Variants in UMAD1 observed in about 807,000 individuals in gnomAD.
UMAD1 encodes the protein UBAP1-MVB12-associated (UMA) domain containing 1, also known as UBAP1-MVB12-associated (UMA)-domain containing protein 1.
In UMAD1, 8 loss-of-function variants were observed where a neutral mutation model predicts 6.1. That is an observed-to-expected ratio of 1.30 (90% CI 0.76 to 2.35). The LOEUF is 2.35. Ranked by LOEUF, UMAD1 falls within the 30% of genes most tolerant of loss-of-function variation. UMAD1 has a pLI of 0.00. For missense variants in UMAD1, 130 were observed against 78.4 expected (o/e 1.66, Z -2.49); for synonymous variants, 56 against 31.4 (o/e 1.78, Z -2.61).
chr7:7,755,410 GGCAGATAGCT>G (rs1318452833), intron 2 of UMAD1, among the ~76,000 whole-genome samples: 1 of 152,162 alleles, frequency 6.6e-6, no homozygotes, highest in Non-Finnish European at 1.5e-5. Context: ...ATGGTGTTAT[GGCAGATAGCT>G]GAAGTATACT....
intron 2 of UMAD1, among the ~76,000 whole-genome samples, chr7:7,762,643 T>C (rs1448592300): frequency 1.3e-5 from 2 of 152,200 alleles, no homozygotes; most frequent in Non-Finnish European, 2.9e-5. Context: ...CATATGCAAC[T>C]GCTCCAGGGC....
chr7:7,737,831 C>G (rs1020197422), intron 2 of UMAD1, among the ~76,000 whole-genome samples: 1 of 152,102 alleles, frequency 6.6e-6, no homozygotes, highest in African/African-American at 2.4e-5. Flanking sequence ...ACAGCATAAT[C>G]TATGGTAGTT....
At chr7:7,729,657 T>C (rs1366670269) in intron 2 of UMAD1, among the ~76,000 whole-genome samples, 3 of 152,170 alleles carry the variant, frequency 2.0e-5, no homozygotes, top group Non-Finnish European at 4.4e-5. Context: ...CTAGATCCTA[T>C]AGTTAGCCTG....
At chr7:7,681,622 C>CATTA (rs1779914777) in intron 2 of UMAD1, among the ~76,000 whole-genome samples, 1 of 152,130 alleles carries the variant, frequency 6.6e-6, no homozygotes, top group South Asian at 2.1e-4. Flanking sequence ...TTGAAGTAAT[C>CATTA]CTCCAGGGTA....
At chr7:7,711,488 G>T (rs1240819733) in intron 2 of UMAD1, among the ~76,000 whole-genome samples, 1 of 152,006 alleles carries the variant, frequency 6.6e-6, no homozygotes, top group Non-Finnish European at 1.5e-5. Flanking sequence ...GTACTTCAAG[G>T]ATATTATACT....
intron 3 of UMAD1, among the ~76,000 whole-genome samples, chr7:7,847,526 T>C (rs544770878): frequency 2.0e-5 from 3 of 152,134 alleles, no homozygotes; most frequent in African/African-American, 4.8e-5. Context: ...TTTCTCTGAA[T>C]GTGCAGTCAA....
At chr7:7,783,829 T>C (rs1050585735) in intron 2 of UMAD1, among the ~76,000 whole-genome samples, 1 of 152,182 alleles carries the variant, frequency 6.6e-6, no homozygotes, top group African/African-American at 2.4e-5. Flanking sequence ...TACAATGTTA[T>C]AAAATGATCA....
At chr7:7,864,602 TACAC>T (rs59036228) in intron 3 of UMAD1, among the ~76,000 whole-genome samples, 7,907 of 140,072 alleles carry the variant, frequency 0.056, 284 homozygotes, top group East Asian at 0.1. Flanking sequence ...ACATGAAAAC[TACAC>T]ACACACACAC....
chr7:7,723,128 C>G (rs1781080863), intron 2 of UMAD1, among the ~76,000 whole-genome samples: 1 of 152,194 alleles, frequency 6.6e-6, no homozygotes, highest in African/African-American at 2.4e-5. Flanking sequence ...TATAACTAGA[C>G]TAAAGTCCTG....
intron 2 of UMAD1, among the ~76,000 whole-genome samples, chr7:7,770,526 T>G (rs981692028): frequency 1.3e-5 from 2 of 152,100 alleles, no homozygotes; most frequent in Admixed American, 1.3e-4. Context: ...GCTGTGATGT[T>G]GAGGGGTGAG....
intron 3 of UMAD1, among the ~76,000 whole-genome samples, chr7:7,825,650 A>G (rs1783324303): frequency 6.6e-6 from 1 of 152,182 alleles, no homozygotes; most frequent in Non-Finnish European, 1.5e-5. Flanking sequence ...TTGAGTGGGA[A>G]CACAGCCAAA....
intron 2 of UMAD1, among the ~76,000 whole-genome samples, chr7:7,709,755 C>G (rs1563143234): frequency 6.6e-6 from 1 of 151,732 alleles, no homozygotes; most frequent in Non-Finnish European, 1.5e-5. Context: ...TTATGCAAAT[C>G]TCAATTTGAA....
rs565276310 is a variant in UMAD1 at position 7,767,584 on chromosome 7, A to G, written c.83-34086A>G. Among the ~76,000 whole-genome samples, 9 of 152,350 alleles carry G rather than the reference A, an allele frequency of 5.9e-5. No individual in the cohort carries two copies. The South Asian group carries it at 6.2e-4, about 11-fold the overall frequency. On this transcript the variant is annotated intron_variant, in intron 2 of 3. Transcript: ENST00000682710. ...TTTTCACGAGATCATCAGTAGTTTA[A>G]TATGGATTTTGTAGTAAAGTGCCAG...
chr7:7,719,959 A>T (rs563483667), intron 2 of UMAD1, among the ~76,000 whole-genome samples: 38 of 152,284 alleles, frequency 2.5e-4, no homozygotes, highest in African/African-American at 7.5e-4. Context: ...TTTAATAAGT[A>T]CTCAGTTTGA....
chr7:7,711,344 C>T (rs1002093389), intron 2 of UMAD1, among the ~76,000 whole-genome samples: 2 of 152,154 alleles, frequency 1.3e-5, no homozygotes, highest in Admixed American at 1.3e-4. Flanking sequence ...GAGCTTTCCT[C>T]TAGATTTTAT....
intron 2 of UMAD1, among the ~76,000 whole-genome samples, chr7:7,782,372 C>T (rs1375692616): frequency 6.6e-6 from 1 of 152,056 alleles, no homozygotes; most frequent in Non-Finnish European, 1.5e-5. Flanking sequence ...CATCTGAATG[C>T]CTTCATACAT....
intron 2 of UMAD1, among the ~76,000 whole-genome samples, chr7:7,702,976 T>C (rs879425308): frequency 1.3e-5 from 2 of 152,232 alleles, no homozygotes; most frequent in Non-Finnish European, 2.9e-5. Context: ...TGTAAACTTA[T>C]CATGTGCTCC....
intron 2 of UMAD1, among the ~76,000 whole-genome samples, chr7:7,751,195 G>A (rs748749366): frequency 1.3e-5 from 2 of 152,142 alleles, no homozygotes; most frequent in Non-Finnish European, 2.9e-5. Context: ...GAGCTCTGTC[G>A]TTGACTATAT....
chr7:7,685,463 C>A (rs1002100984), intron 2 of UMAD1, among the ~76,000 whole-genome samples: 1 of 152,050 alleles, frequency 6.6e-6, no homozygotes, highest in Non-Finnish European at 1.5e-5. Flanking sequence ...GTGTGCGCCA[C>A]CACGCCCACC....
Sources: allele counts gnomAD v4.1 joint callset (sites outside exome capture counted in the v4.1 genomes callset), GRCh38; gene constraint gnomAD v4.1.1; transcripts MANE v1.5; gene names NCBI Gene and HGNC (gene_info 2026-07-23, HGNC 2026-07-21).